The following SCNN1B variants were observed in gnomAD, a reference collection of about 807,000 sequenced individuals.
SCNN1B encodes the protein sodium channel epithelial 1 subunit beta, also known as epithelial sodium channel subunit beta.
Under a neutral mutation model 65.3 loss-of-function variants are expected in SCNN1B, and 46 were observed. The observed-to-expected ratio is 0.70, with a 90% confidence interval of 0.56 to 0.90. The LOEUF (loss-of-function observed/expected upper bound fraction) is 0.90, where lower values mean the gene tolerates loss of function less well. Ranked by LOEUF, SCNN1B falls within the 40% of genes least tolerant of loss-of-function variation. The probability of loss-of-function intolerance (pLI) is 0.00; values close to 1 mark genes in which losing one functional copy is unlikely to be tolerated. For synonymous variants in SCNN1B, 349 were observed against 330.6 expected (o/e 1.06, Z -0.60); for missense variants, 751 against 830.5 (o/e 0.90, Z 1.18).
Position 23,367,844 on chromosome 16 carries a change from T to A in SCNN1B, c.777-12T>A. On this transcript the variant is annotated splice_polypyrimidine_tract_variant and intron_variant, in intron 4 of 12. Transcript: ENST00000343070. ...GTGGAACCTGCCCTGCAGCTGATGC[T>A]GTTTCTTTTAGGAACTTCACGTCCA... is the stretch of plus-strand genomic sequence containing the variant. 6.2e-7 allele frequency: 1 copy of A among 1,603,238 alleles called. No homozygotes were observed. The highest frequency in any genetic ancestry group is 8.5e-7 in the Non-Finnish European group (1 of 1,170,088).
At chr16:23,322,918 C>T (rs1961618314) in intron 1 of SCNN1B, among the ~76,000 whole-genome samples, 1 of 151,962 alleles carries the variant, frequency 6.6e-6, no homozygotes, top group Non-Finnish European at 1.5e-5. Flanking sequence ...GTGGCTCACG[C>T]CTGTAATCTG....
At chr16:23,365,019 G>C (rs556908751) in intron 4 of SCNN1B, among the ~76,000 whole-genome samples, 1 of 151,836 alleles carries the variant, frequency 6.6e-6, no homozygotes, top group Non-Finnish European at 1.5e-5. Context: ...CCAGCTACTC[G>C]GGAGGCTGAG....
At chr16:23,301,500 A>T (rs1181504027), upstream of SCNN1B, among the ~76,000 whole-genome samples, 1 of 152,208 alleles carries the variant, frequency 6.6e-6, no homozygotes, top group East Asian at 1.9e-4. Flanking sequence ...AAATTTTGAG[A>T]ATGACTGCAT....
chr16:23,377,615 T>C (rs1962935440), intron 10 of SCNN1B, among the ~76,000 whole-genome samples: 1 of 101,436 alleles, frequency 9.9e-6, no homozygotes, highest in Admixed American at 9.9e-5. Context: ...TCCTTCTTTC[T>C]TCCTTCCTTC....
chr16:23,305,981 G>A (rs773476241), intron 1 of SCNN1B, among the ~76,000 whole-genome samples: 5 of 152,106 alleles, frequency 3.3e-5, no homozygotes, highest in South Asian at 2.1e-4. Flanking sequence ...AGTGGCTCAC[G>A]CCTGTAATCC....
intron 1 of SCNN1B, among the ~76,000 whole-genome samples, chr16:23,332,987 C>G (rs897970352): frequency 6.6e-6 from 1 of 152,048 alleles, no homozygotes; most frequent in African/African-American, 2.4e-5. Flanking sequence ...AGGAGAATCG[C>G]TTGAACCTGG....
In SCNN1B at chr16:23,377,330, G is replaced by A. The variant is rs763849877; in HGVS notation, c.1348G>A (p.Asp450Asn). Residue 450 changes from aspartate to asparagine, a missense_variant and splice_region_variant, in exon 10 of 13, where the codon GAC (aspartate) becomes AAC (asparagine). By Grantham distance (23) the Asp-to-Asn change is conservative. Transcript: ENST00000343070. ...CIGMCKESCN[D>N]TQYKMTISMA... ...AACAGGCCTGGCCTTCTCTTTCAGT[G>A]ACACCCAGTACAAGATGACCATCTC... 1 of 1,614,188 alleles carries A rather than the reference G, an allele frequency of 6.2e-7. No homozygotes were observed. Among genetic ancestry groups the A allele is most frequent in the Non-Finnish European group, 8.5e-7 (1 of 1,180,026 alleles).
chr16:23,361,783 T>TTTTG (rs757766626), intron 4 of SCNN1B, among the ~76,000 whole-genome samples: 11 of 152,230 alleles, frequency 7.2e-5, no homozygotes, highest in African/African-American at 1.4e-4. Context: ...TTTTTGGTTG[T>TTTTG]TTTGTTTGTT....
intron 4 of SCNN1B, among the ~76,000 whole-genome samples, chr16:23,364,090 G>C (rs564911120): frequency 6.6e-6 from 1 of 151,498 alleles, no homozygotes; most frequent in African/African-American, 2.4e-5. Flanking sequence ...TCACTTGAAC[G>C]GGGAGGCAGA....
At chr16:23,307,710 G>A (rs910690328) in intron 1 of SCNN1B, among the ~76,000 whole-genome samples, 1 of 152,080 alleles carries the variant, frequency 6.6e-6, no homozygotes, top group Admixed American at 6.6e-5. Context: ...TAAGCCAGTG[G>A]GTCTCAAAGT....
chr16:23,359,004 A>G (rs1029329760), intron 4 of SCNN1B, among the ~76,000 whole-genome samples: 9 of 152,250 alleles, frequency 5.9e-5, no homozygotes, highest in African/African-American at 9.6e-5. Flanking sequence ...TGTAGGTGTC[A>G]GGCACTATTC....
In SCNN1B at chr16:23,380,080, G is replaced by A. The variant is rs34618783; in HGVS notation, c.1467-14G>A. ...GGATACATTAGTCCCGGCCCTTCTC[G>A]CTGCCTCCTGCAGGAAGGGAATTGT... On this transcript the variant is annotated splice_polypyrimidine_tract_variant and intron_variant, in intron 11 of 12. Transcript: ENST00000343070. The surrounding 1 kb of genome is among the most constrained non-coding windows in gnomAD (Gnocchi z 5.4). 0.028 allele frequency: 45,004 copies of A among 1,610,206 alleles called. 914 individuals carry two copies. Among genetic ancestry groups the A allele is most frequent in the South Asian group, 0.072 (6,572 of 90,984 alleles).
rs137852712 is a variant in SCNN1B at position 23,367,942 on chromosome 16, A to G, written c.863A>G (p.Asn288Ser). 6.2e-6 allele frequency: 10 copies of G among 1,613,870 alleles called. No individual in the cohort carries two copies. The highest frequency in any genetic ancestry group is 4.5e-5 in the East Asian group (2 of 44,888). ...GMTEKALPSA[N>S]PGTEFGLKLI... ...ACAGAGAAGGCACTTCCTTCGGCCA[A>G]CCCTGGAACTGAATTCGGTGAGTTT... The change falls in exon 5 of 13, where the codon AAC (asparagine) becomes AGC (serine). Residue 288 changes from asparagine to serine, a missense_variant. Coordinates refer to ENST00000343070, the MANE Select transcript of SCNN1B (RefSeq NM_000336.3).
At chr16:23,306,880 T>C (rs544674012) in intron 1 of SCNN1B, among the ~76,000 whole-genome samples, 22 of 152,332 alleles carry the variant, frequency 1.4e-4, no homozygotes, top group African/African-American at 5.3e-4. Flanking sequence ...GAGGCTGTGA[T>C]GGCGCGTGAG....
At chr16:23,317,984 G>GT (rs768616173) in intron 1 of SCNN1B, among the ~76,000 whole-genome samples, 97 of 152,192 alleles carry the variant, frequency 6.4e-4, no homozygotes, top group Non-Finnish European at 7.5e-4. Flanking sequence ...GTACAGAACT[G>GT]TTTTGAGTGC....
intron 1 of SCNN1B, among the ~76,000 whole-genome samples, chr16:23,321,503 CTG>C (rs2141994548): frequency 6.6e-6 from 1 of 152,294 alleles, no homozygotes; most frequent in East Asian, 1.9e-4. Context: ...CACACAGAGC[CTG>C]GACCCTGGGA....
intron 1 of SCNN1B, among the ~76,000 whole-genome samples, chr16:23,316,368 C>G (rs1360182235): frequency 6.8e-6 from 1 of 146,942 alleles, no homozygotes; most frequent in Non-Finnish European, 1.5e-5. Context: ...TCCATCATCA[C>G]CATCACCATC....
At chr16:23,350,539 C>T (rs1168638286) in intron 2 of SCNN1B, among the ~76,000 whole-genome samples, 1 of 152,186 alleles carries the variant, frequency 6.6e-6, no homozygotes, top group Non-Finnish European at 1.5e-5. Flanking sequence ...GTCTTGGATA[C>T]AGCAGGTGCA....
At chr16:23,334,554 C>G (rs1469880298) in intron 1 of SCNN1B, among the ~76,000 whole-genome samples, 1 of 152,190 alleles carries the variant, frequency 6.6e-6, no homozygotes, top group Admixed American at 6.5e-5. Context: ...CTGAGGCACA[C>G]CCGTCTGGAC....
Sources: allele counts gnomAD v4.1 joint callset (sites outside exome capture counted in the v4.1 genomes callset), GRCh38; gene constraint gnomAD v4.1.1; non-coding constraint Gnocchi (gnomAD v3.1); transcripts MANE v1.5; gene names NCBI Gene and HGNC (gene_info 2026-07-23, HGNC 2026-07-21).